The following SOWAHB variants were observed in gnomAD, a reference collection of about 807,000 sequenced individuals.
SOWAHB encodes sosondowah ankyrin repeat domain family member B.
In SOWAHB, 17 loss-of-function variants were observed where a neutral mutation model predicts 18.3. The observed-to-expected ratio is 0.93, with a 90% CI of 0.64 to 1.40. The LOEUF (loss-of-function observed/expected upper bound fraction) is 1.40. Among genes scored for constraint, SOWAHB ranks in the 40% most tolerant of loss-of-function variants. The probability of loss-of-function intolerance (pLI) is 0.00; values close to 1 mark genes in which losing one functional copy is unlikely to be tolerated. For missense variants in SOWAHB, 1,126 were observed against 1,033.7 expected, an observed-to-expected ratio of 1.09 and a Z score of -1.22; for synonymous variants, 496 against 448.1, an observed-to-expected ratio of 1.11 and a Z score of -1.35.
Position 76,896,715 on chromosome 4 carries a change from A to G in SOWAHB, c.1135T>C (p.Leu379=), listed in dbSNP as rs370103305. 11 of 1,613,876 alleles carry G rather than the reference A, an allele frequency of 6.8e-6. No individual in the cohort carries two copies. The highest frequency in any genetic ancestry group is 2.2e-5 in the East Asian group (1 of 44,896). ...SWESWAGNPS[L]TVFRSIRCQL... The stretch of plus-strand genomic sequence containing the variant: ...CAACGAATGCTGCGAAAGACAGTCA[A>G]TGAAGGGTTCCCCGCCCAGGATTCC... The change falls in exon 1 of 1, where the codon TTG becomes CTG. Residue 379 remains leucine, a synonymous_variant. Coordinates refer to ENST00000334306, the MANE Select transcript of SOWAHB (RefSeq NM_001029870.3).
Position 76,896,287 on chromosome 4 carries a change from T to C in SOWAHB, c.1563A>G (p.Lys521=). 1 of 1,608,298 alleles carries C rather than the reference T, an allele frequency of 6.2e-7. No homozygotes were observed. The highest frequency in any genetic ancestry group is 8.5e-7 in the Non-Finnish European group (1 of 1,176,038). The change falls in exon 1 of 1, where the codon AAA becomes AAG. Residue 521 remains lysine, a synonymous_variant. Transcript: ENST00000334306. ...TGGATCGAGGTGGGCGCCGACTTCT[T>C]TTCAGCAAGCCCTCATCGAGGTACT... ...DEEYLDEGLL[K]RSRRPPRSRK...
At position 76,896,959 on chromosome 4, in the gene SOWAHB, CG is replaced by C; in HGVS notation, c.890del (p.Ser297Ter). On this transcript the variant is annotated frameshift_variant, in exon 1 of 1. Coordinates refer to ENST00000334306, the MANE Select transcript of SOWAHB (RefSeq NM_001029870.3). LOFTEE classifies it low-confidence loss of function (END_TRUNC). ...TGCGCTGCTGCTGCTGCTGCAGGGT[CG>C]AATAATGCAGGGAGCTGGGGGTCAG... is the stretch of plus-strand genomic sequence containing the variant. The part of the protein sequence containing the change: ...ELLTPSSLHY[S>X]TLQQQQQRTR... The C allele has an allele frequency of 6.9e-6, 11 of 1,587,480 alleles. No homozygotes were observed. Among genetic ancestry groups the C allele is most frequent in the Non-Finnish European group, 9.4e-6 (11 of 1,164,178 alleles).
rs778760352 is a variant in SOWAHB, at chr4:76,896,788, G to A, written c.1062C>T (p.Pro354=). Residue 354 remains proline, a synonymous_variant, in exon 1 of 1, where the codon CCC becomes CCT. Coordinates refer to ENST00000334306, the MANE Select transcript of SOWAHB (RefSeq NM_001029870.3). ...GAAAGAGAGAGTGCGAGGAAAGACA[G>A]GGGTCTGGCGGCTCTGAATTAGGCT... ...STEPNSEPPD[P]CLSSHSLFPV... The A allele has an allele frequency of 3.1e-6, 5 of 1,613,790 alleles. No individual in the cohort carries two copies. The highest frequency in any genetic ancestry group is 2.7e-5 in the African/African-American group (2 of 74,938).
Position 76,895,408 on chromosome 4 carries a change from A to C in SOWAHB, c.*60T>G. ...CTCAGCAGCTTTTCTATTCCCCCTG[A>C]ATTCTCTCACTGAGCAGGATGAGGG... On this transcript the variant is annotated 3_prime_UTR_variant, in exon 1 of 1. Coordinates refer to ENST00000334306, the MANE Select transcript of SOWAHB (RefSeq NM_001029870.3). 6.8e-7 allele frequency: 1 copy of C among 1,472,370 alleles called. No individual in the cohort carries two copies. The highest frequency in any genetic ancestry group is 9.2e-7 in the Non-Finnish European group (1 of 1,090,886). The allele number at this position is 1,472,370 out of a possible 1,614,324, so 91.2% of individuals were successfully genotyped here. A position where few individuals can be genotyped will look rare whatever the true frequency, so the allele number is the denominator to read the frequency against.
Position 76,896,706 on chromosome 4 carries a change from A to G in SOWAHB, c.1144T>C (p.Phe382Leu). ...SWAGNPSLTVFRSIRCQLSLQ... is the reference protein window; with the variant it reads ...SWAGNPSLTVLRSIRCQLSLQ... ...GACAGCTGACAACGAATGCTGCGAA[A>G]GACAGTCAATGAAGGGTTCCCCGCC... The change falls in exon 1 of 1, where the codon TTT becomes CTT. Residue 382 changes from phenylalanine to leucine, a missense_variant. By Grantham distance (22) the Phe-to-Leu change is conservative. Coordinates refer to ENST00000334306, the MANE Select transcript of SOWAHB (RefSeq NM_001029870.3). The G allele has an allele frequency of 6.2e-7, 1 of 1,614,044 alleles. No individual in the cohort carries two copies. The highest frequency in any genetic ancestry group is 1.3e-5 in the African/African-American group (1 of 75,074).
chr4:76,897,369 C>A lies in SOWAHB; in HGVS notation c.481G>T (p.Gly161Cys). 1 of 1,529,344 alleles carries A rather than the reference C, an allele frequency of 6.5e-7. No individual in the cohort carries two copies. Among genetic ancestry groups the A allele is most frequent in the Non-Finnish European group, 8.7e-7 (1 of 1,144,800 alleles). 94.7% of individuals were successfully genotyped at this position (1,529,344 alleles called of 1,614,324 possible). Residue 161 changes from glycine (G) to cysteine (C), a missense_variant, in exon 1 of 1, where the codon GGC (glycine) becomes TGC (cysteine). Coordinates refer to ENST00000334306, the MANE Select transcript of SOWAHB (RefSeq NM_001029870.3). The surrounding 1 kb of genome is among the most constrained non-coding windows in gnomAD (Gnocchi z 6.4). ...SDSRRAPGKG[G>C]GSKGSPGQRP... ...TGTCCGGGACTGCCCTTCGATCCGC[C>A]GCCCTTCCCGGGCGCCCTACGGGAG... is the stretch of plus-strand genomic sequence containing the variant.
Position 76,895,666 on chromosome 4 carries a change from G to C in SOWAHB, c.2184C>G (p.Gly728=). ...EIWQLLGAPR[G]KPIFPVYPLV... is the part of the protein sequence containing the mutation. The stretch of plus-strand genomic sequence containing the variant: ...AGGGATAGACAGGGAAAATGGGCTT[G>C]CCCCGAGGAGCTCCCAACAGCTGCC... Residue 728 remains glycine (G), a synonymous_variant, in exon 1 of 1, where the codon GGC becomes GGG. Coordinates refer to ENST00000334306, the MANE Select transcript of SOWAHB (RefSeq NM_001029870.3). 1 of 1,614,214 alleles carries C rather than the reference G, an allele frequency of 6.2e-7. No individual in the cohort carries two copies. Among genetic ancestry groups the C allele is most frequent in the Non-Finnish European group, 8.5e-7 (1 of 1,180,034 alleles).
rs1384467200 is a variant in SOWAHB, at chr4:76,895,739, C to T, written c.2111G>A (p.Gly704Glu). ...GGTTAGATACTGCCATGGCTTCTTC[C>T]CACTGCTGTCCCTGACATTTACCCG... ...ASRVNVRDSSGKKPWQYLTSN... is the reference protein window; with the variant it reads ...ASRVNVRDSSEKKPWQYLTSN... The change falls in exon 1 of 1, where the codon GGG (glycine) becomes GAG (glutamate). Residue 704 changes from glycine (G) to glutamate (E), a missense_variant. Physicochemically the swap from Gly to Glu is moderately conservative, Grantham distance 98 (BLOSUM62 -2). Transcript: ENST00000334306. The T allele has an allele frequency of 6.2e-7, 1 of 1,614,112 alleles. No individual in the cohort carries two copies. The highest frequency in any genetic ancestry group is 8.5e-7 in the Non-Finnish European group (1 of 1,180,060).
chr4:76,897,188 G>T lies in SOWAHB; in HGVS notation c.662C>A (p.Ala221Glu). 6.3e-7 allele frequency: 1 copy of T among 1,577,572 alleles called. No individual in the cohort carries two copies. Among genetic ancestry groups the T allele is most frequent in the East Asian group, 2.3e-5 (1 of 43,978 alleles). ...ELGALPHSATAEEKPARALPA... is the reference protein window; with the variant it reads ...ELGALPHSATEEEKPARALPA... ...CAGAGCCCGTGCCGGCTTCTCCTCC[G>T]CGGTGGCCGAGTGCGGGAGTGCGCC... The change falls in exon 1 of 1, where the codon GCG becomes GAG. Residue 221 changes from alanine (A) to glutamate (E), a missense_variant. Coordinates refer to ENST00000334306, the MANE Select transcript of SOWAHB (RefSeq NM_001029870.3). This position sits in a 1 kb window ranked among gnomAD's most constrained non-coding sequence, Gnocchi z 6.4.
chr4:76,896,555 C>T lies in SOWAHB; in HGVS notation c.1295G>A (p.Arg432Lys), dbSNP rs1462371659. Residue 432 changes from arginine to lysine, a missense_variant, in exon 1 of 1, where the codon AGG becomes AAG. By Grantham distance (26) the Arg-to-Lys change is conservative. Coordinates refer to ENST00000334306, the MANE Select transcript of SOWAHB (RefSeq NM_001029870.3). ...CCCAGCTGGATTCCTGAGCTTCCCC[C>T]TATCTGGGGTTCCCAAGACAACCTG... ...GLQVVLGTPDRGKLRNPAGGL... is the reference protein window; with the variant it reads ...GLQVVLGTPDKGKLRNPAGGL... 3 of 1,613,468 alleles carry T rather than the reference C, an allele frequency of 1.9e-6. No homozygotes were observed. Among genetic ancestry groups the T allele is most frequent in the Non-Finnish European group, 1.7e-6 (2 of 1,179,966 alleles).
In SOWAHB at chr4:76,897,783, T is replaced by A. The variant is rs768123231; in HGVS notation, c.67A>T (p.Asn23Tyr). Residue 23 changes from asparagine (N) to tyrosine (Y), a missense_variant, in exon 1 of 1, where the codon AAC becomes TAC. Coordinates refer to ENST00000334306, the MANE Select transcript of SOWAHB (RefSeq NM_001029870.3). This position sits in a 1 kb window ranked among gnomAD's most constrained non-coding sequence, Gnocchi z 6.4. ...FLCQAGGRVT[N>Y]AALLSHFKSF... ...TTGAAGTGGCTCAGCAAGGCAGCGT[T>A]GGTCACGCGGCCCCCAGCCTGGCAC... is the stretch of plus-strand genomic sequence containing the variant. 2 of 1,603,434 alleles carry A rather than the reference T, an allele frequency of 1.2e-6. No individual in the cohort carries two copies. Among genetic ancestry groups the A allele is most frequent in the Non-Finnish European group, 1.7e-6 (2 of 1,179,850 alleles).
Position 76,896,375 on chromosome 4 carries a change from A to G in SOWAHB, c.1475T>C (p.Leu492Ser), listed in dbSNP as rs761746790. 1 of 1,597,344 alleles carries G rather than the reference A, an allele frequency of 6.3e-7. No homozygotes were observed. The highest frequency in any genetic ancestry group is 8.5e-7 in the Non-Finnish European group (1 of 1,170,580). ...LKPLPWPVPKLRRSLRRSSLA... is the reference protein window; with the variant it reads ...LKPLPWPVPKSRRSLRRSSLA... Reference sequence around the variant, plus strand: ...AGAGCTCCTCCTGAGGGACCTCCTTAACTTAGGAACTGGCCAAGGCAAAGG... The same window carrying G: ...AGAGCTCCTCCTGAGGGACCTCCTTGACTTAGGAACTGGCCAAGGCAAAGG... The change falls in exon 1 of 1, where the codon TTA (leucine) becomes TCA (serine). Residue 492 changes from leucine (L) to serine (S), a missense_variant. Coordinates refer to ENST00000334306, the MANE Select transcript of SOWAHB (RefSeq NM_001029870.3).
chr4:76,897,584 G>A lies in SOWAHB; in HGVS notation c.266C>T (p.Pro89Leu). 3 of 1,603,870 alleles carry A rather than the reference G, an allele frequency of 1.9e-6. No homozygotes were observed. Among genetic ancestry groups the A allele is most frequent in the South Asian group, 1.1e-5 (1 of 90,806 alleles). The change falls in exon 1 of 1, where the codon CCC becomes CTC. Residue 89 changes from proline (P) to leucine (L), a missense_variant. By Grantham distance (98) the Pro-to-Leu change is moderately conservative (BLOSUM62 -3). Transcript: ENST00000334306. This position sits in a 1 kb window ranked among gnomAD's most constrained non-coding sequence, Gnocchi z 6.4. The part of the protein sequence containing the change: ...DLLGEEGLQR[P>L]REPPAAAPSA... Reference sequence around the variant, plus strand: ...GGGGGCGGCCGCGGGCGGCTCGCGGGGTCGCTGCAGCCCCTCCTCCCCCAA... The same window carrying A: ...GGGGGCGGCCGCGGGCGGCTCGCGGAGTCGCTGCAGCCCCTCCTCCCCCAA...
Position 76,897,368 on chromosome 4 carries a change from C to T in SOWAHB, c.482G>A (p.Gly161Asp), listed in dbSNP as rs1335811030. The change falls in exon 1 of 1, where the codon GGC becomes GAC. Residue 161 changes from glycine to aspartate, a missense_variant. By Grantham distance (94) the Gly-to-Asp change is moderately conservative. Transcript: ENST00000334306. The surrounding 1 kb of genome is among the most constrained non-coding windows in gnomAD (Gnocchi z 6.4). ...CTGTCCGGGACTGCCCTTCGATCCGCCGCCCTTCCCGGGCGCCCTACGGGA... is the reference window on the plus strand; with the variant it reads ...CTGTCCGGGACTGCCCTTCGATCCGTCGCCCTTCCCGGGCGCCCTACGGGA... Reference protein sequence around the residue: ...SDSRRAPGKGGGSKGSPGQRP... With the variant: ...SDSRRAPGKGDGSKGSPGQRP... The T allele has an allele frequency of 5.9e-6, 9 of 1,529,306 alleles. No individual in the cohort carries two copies. The highest frequency in any genetic ancestry group is 8.7e-7 in the Non-Finnish European group (1 of 1,144,852). The allele number at this position is 1,529,306 out of a possible 1,614,324, so 94.7% of individuals were successfully genotyped here. A position where few individuals can be genotyped will look rare whatever the true frequency, so the allele number is the denominator to read the frequency against.
At position 76,896,986 on chromosome 4, in the gene SOWAHB, C is replaced by T; in HGVS notation, c.864G>A (p.Leu288=). 1.3e-6 allele frequency: 2 copies of T among 1,578,176 alleles called. No homozygotes were observed. Among genetic ancestry groups the T allele is most frequent in the South Asian group, 1.1e-5 (1 of 88,108 alleles). ...AATAATGCAGGGAGCTGGGGGTCAG[C>T]AGCTCCGGCCGGTCTCCGCGGGGAG... ...GPAPRGDRPE[L]LTPSSLHYST... is the part of the protein sequence containing the mutation. The change falls in exon 1 of 1, where the codon CTG becomes CTA. Residue 288 remains leucine (L), a synonymous_variant. Transcript: ENST00000334306.
chr4:76,897,672 C>T lies in SOWAHB; in HGVS notation c.178G>A (p.Ala60Thr). Reference sequence around the variant, plus strand: ...GTGCCGTCGGGGTCCTGGCGCACTGCGGCGACCGAGTTGACGAAGCCCTTG... The same window carrying T: ...GTGCCGTCGGGGTCCTGGCGCACTGTGGCGACCGAGTTGACGAAGCCCTTG... The part of the protein sequence containing the change: ...LFKGFVNSVA[A>T]VRQDPDGTKY... Residue 60 changes from alanine (A) to threonine (T), a missense_variant, in exon 1 of 1, where the codon GCA becomes ACA. Physicochemically the swap from Ala to Thr is moderately conservative, Grantham distance 58 (BLOSUM62 0). Transcript: ENST00000334306. The surrounding 1 kb of genome is among the most constrained non-coding windows in gnomAD (Gnocchi z 6.4). 1.2e-6 allele frequency: 2 copies of T among 1,612,230 alleles called. No homozygotes were observed. The highest frequency in any genetic ancestry group is 1.7e-4 in the Middle Eastern group (1 of 6,056).
At position 76,896,285 on chromosome 4, in the gene SOWAHB, C is replaced by A; in HGVS notation, c.1565G>T (p.Arg522Ile). ...CCTGGATCGAGGTGGGCGCCGACTT[C>A]TTTTCAGCAAGCCCTCATCGAGGTA... The part of the protein sequence containing the change: ...EEYLDEGLLK[R>I]SRRPPRSRKP... Residue 522 changes from arginine (R) to isoleucine (I), a missense_variant, in exon 1 of 1, where the codon AGA becomes ATA. Coordinates refer to ENST00000334306, the MANE Select transcript of SOWAHB (RefSeq NM_001029870.3). 6.2e-7 allele frequency: 1 copy of A among 1,608,190 alleles called. No homozygotes were observed. The highest frequency in any genetic ancestry group is 8.5e-7 in the Non-Finnish European group (1 of 1,176,028).
Position 76,896,896 on chromosome 4 carries a change from C to T in SOWAHB, c.954G>A (p.Glu318=). ...EWVARHPQVP[E]ARDQGPIRAW... ...CGCGGATAGGGCCCTGATCACGGGCCTCGGGCACCTGCGGGTGCCTGGCCA... is the reference window on the plus strand; with the variant it reads ...CGCGGATAGGGCCCTGATCACGGGCTTCGGGCACCTGCGGGTGCCTGGCCA... The change falls in exon 1 of 1, where the codon GAG becomes GAA. Residue 318 remains glutamate, a synonymous_variant. Coordinates refer to ENST00000334306, the MANE Select transcript of SOWAHB (RefSeq NM_001029870.3). 1 of 1,612,438 alleles carries T rather than the reference C, an allele frequency of 6.2e-7. No homozygotes were observed.
Position 76,897,263 on chromosome 4 carries a change from C to A in SOWAHB, c.587G>T (p.Cys196Phe). 6.4e-7 allele frequency: 1 copy of A among 1,563,268 alleles called. No individual in the cohort carries two copies. Residue 196 changes from cysteine to phenylalanine, a missense_variant, in exon 1 of 1, where the codon TGC (cysteine) becomes TTC (phenylalanine). Transcript: ENST00000334306. The surrounding 1 kb of genome is among the most constrained non-coding windows in gnomAD (Gnocchi z 6.4). The stretch of plus-strand genomic sequence containing the variant: ...GTTGTTCTGGAGGCATTCCCAGCAG[C>A]AGCGGCCCTGCGTCTTCGCCGCCGC... ...SCAAAKTQGR[C>F]CWECLQNNLA...
Sources: allele counts gnomAD v4.1 joint callset, GRCh38; gene constraint gnomAD v4.1.1; non-coding constraint Gnocchi (gnomAD v3.1); transcripts MANE v1.5; gene names NCBI Gene and HGNC (gene_info 2026-07-23, HGNC 2026-07-21).